The following DAB1 variants were observed in gnomAD, a reference collection of about 807,000 sequenced individuals.
The protein encoded by DAB1 is DAB adaptor protein 1.
DAB1 carries 15 observed loss-of-function variants against 64.6 expected under a neutral mutation model. The ratio of observed to expected loss-of-function variants is 0.23; its 90% CI spans 0.16 to 0.36. The LOEUF (loss-of-function observed/expected upper bound fraction) is 0.36. DAB1 is among the 10% of genes least tolerant of loss of function. The pLI, the probability that DAB1 is intolerant of heterozygous loss-of-function variation, is 1.00. For synonymous variants in DAB1, 235 were observed against 251.9 expected (o/e 0.93, Z 0.64); for missense variants, 596 against 706.7 (o/e 0.84, Z 1.78).
chr1:57,150,584 ACACT>A (rs1659562995), intron 2 of DAB1, among the ~76,000 whole-genome samples: 1 of 152,102 alleles, frequency 6.6e-6, no homozygotes, highest in Admixed American at 6.5e-5. Flanking sequence ...GCACTATATG[ACACT>A]CACAGCTCTG....
intron 6 of DAB1, among the ~76,000 whole-genome samples, chr1:57,792,386 T>G (rs1650643559): frequency 6.6e-6 from 1 of 152,260 alleles, no homozygotes; most frequent in Non-Finnish European, 1.5e-5. Context: ...GCCTCATTTT[T>G]GAGGACCTTC....
At chr1:57,871,900 T>G (rs917519627) in intron 1 of DAB1, among the ~76,000 whole-genome samples, 25 of 152,238 alleles carry the variant, frequency 1.6e-4, no homozygotes, top group African/African-American at 5.8e-4. Context: ...GCTCAAGATG[T>G]AAGTTTATTT....
chr1:57,928,423 G>A (rs1219043609), intron 5 of DAB1, among the ~76,000 whole-genome samples: 1 of 151,944 alleles, frequency 6.6e-6, no homozygotes, highest in Admixed American at 6.6e-5. Flanking sequence ...AAGTACATTT[G>A]TTACAATTCA....
At position 57,064,808 on chromosome 1, in the gene DAB1, G is replaced by T. The variant is rs1220100653; in HGVS notation, c.664-1865C>A. Among the ~76,000 whole-genome samples the T allele has an allele frequency of 3.3e-5, 5 of 152,196 alleles. No homozygotes were observed. In the East Asian group the frequency reaches 9.6e-4, roughly 29 times the overall value. On this transcript the variant is annotated intron_variant, in intron 8 of 14. Transcript: ENST00000371236. ...GTGTCAGTGGTACACTTCCAGAGCT[G>T]ATCTTGCAAGCTTCACTGTGCAAGT...
intron 5 of DAB1, among the ~76,000 whole-genome samples, chr1:58,084,837 A>T (rs939754854): frequency 6.6e-6 from 1 of 151,316 alleles, no homozygotes; most frequent in Non-Finnish European, 1.5e-5. Flanking sequence ...GCACATACAT[A>T]TATACAAATT....
intron 7 of DAB1, among the ~76,000 whole-genome samples, chr1:57,590,008 A>G (rs1645424987): frequency 2.0e-5 from 3 of 152,166 alleles, no homozygotes; most frequent in East Asian, 1.9e-4. Context: ...TAAATTATAT[A>G]CTATTTTAGT....
intron 4 of DAB1, among the ~76,000 whole-genome samples, chr1:58,236,724 C>A (rs1416400995): frequency 2.0e-5 from 3 of 152,212 alleles, no homozygotes; most frequent in South Asian, 2.1e-4. Flanking sequence ...GAGAACGGCC[C>A]TGGGAGGCTG....
chr1:58,036,617 A>G (rs948993676), intron 5 of DAB1, among the ~76,000 whole-genome samples: 5 of 152,208 alleles, frequency 3.3e-5, no homozygotes, highest in African/African-American at 9.6e-5. Flanking sequence ...GCCTTCTACT[A>G]ATTTTTTTTC....
chr1:57,724,991 A>G (rs955667847), intron 6 of DAB1, among the ~76,000 whole-genome samples: 1 of 152,218 alleles, frequency 6.6e-6, no homozygotes, highest in African/African-American at 2.4e-5. Flanking sequence ...TAGCCAAGTA[A>G]CTGATACAAG....
intron 7 of DAB1, among the ~76,000 whole-genome samples, chr1:57,635,445 G>A (rs1570692612): frequency 6.6e-6 from 1 of 152,136 alleles, no homozygotes; most frequent in East Asian, 1.9e-4. Flanking sequence ...ATGGCCTTAG[G>A]TTCTCATGGG....
At chr1:58,247,892 T>C (rs1660625540) in intron 4 of DAB1, among the ~76,000 whole-genome samples, 1 of 151,194 alleles carries the variant, frequency 6.6e-6, no homozygotes, top group Non-Finnish European at 1.5e-5. Flanking sequence ...CTATTTCTCT[T>C]AGCTCTGCCC....
At chr1:57,244,072 T>A (rs1668691073) in intron 2 of DAB1, among the ~76,000 whole-genome samples, 1 of 152,200 alleles carries the variant, frequency 6.6e-6, no homozygotes, top group Non-Finnish European at 1.5e-5. Context: ...AAACTTTTTA[T>A]TTCCCAAAAC....
chr1:57,888,156 G>C (rs1349706173), upstream of DAB1, among the ~76,000 whole-genome samples: 1 of 152,128 alleles, frequency 6.6e-6, no homozygotes, highest in East Asian at 1.9e-4. Flanking sequence ...TTTTCTTTGA[G>C]GGGGGATGGG....
chr1:57,085,906 A>G (rs1462750841), intron 4 of DAB1, among the ~76,000 whole-genome samples: 1 of 152,186 alleles, frequency 6.6e-6, no homozygotes, highest in East Asian at 1.9e-4. Context: ...AATTAGTAGG[A>G]ACTGACTAGA....
intron 5 of DAB1, among the ~76,000 whole-genome samples, chr1:58,091,051 A>G (rs1308012626): frequency 2.6e-5 from 4 of 152,086 alleles, no homozygotes; most frequent in Non-Finnish European, 4.4e-5. Context: ...GGTCCTCAGT[A>G]CTTCCTGTTT....
At chr1:57,008,408 A>G (rs2100270215) in intron 14 of DAB1, among the ~76,000 whole-genome samples, 1 of 152,286 alleles carries the variant, frequency 6.6e-6, no homozygotes, top group Non-Finnish European at 1.5e-5. Flanking sequence ...AATTGGATAT[A>G]TGTGATGATG....
intron 5 of DAB1, among the ~76,000 whole-genome samples, chr1:58,117,220 A>G (rs1169674677): frequency 2.0e-5 from 3 of 152,186 alleles, no homozygotes; most frequent in Non-Finnish European, 4.4e-5. Context: ...CCTGCCTACC[A>G]AAAGAAACGT....
Position 57,274,884 on chromosome 1 carries a change from A to AT in DAB1, c.67+16079dup, listed in dbSNP as rs3042300. On this transcript the variant is annotated intron_variant, in intron 2 of 14. Transcript: ENST00000371236. ...TGTGTGAGCCACCGCGCTCAGCCAA[A>AT]TTTTTTTTTTTTTTTTTAATCTAAG... is the stretch of plus-strand genomic sequence containing the variant. Among the ~76,000 whole-genome samples, 93 of 146,916 alleles carry AT rather than the reference A, an allele frequency of 6.3e-4. 1 individual carries two copies. Among genetic ancestry groups the AT allele is most frequent in the South Asian group, 1.3e-3 (6 of 4,628 alleles).
chr1:57,960,933 T>C (rs1317851829), intron 5 of DAB1, among the ~76,000 whole-genome samples: 2 of 152,326 alleles, frequency 1.3e-5, no homozygotes, highest in East Asian at 3.9e-4. Flanking sequence ...ATCATATGAC[T>C]GTTTATGGAG....
Sources: allele counts gnomAD v4.1 joint callset (sites outside exome capture counted in the v4.1 genomes callset), GRCh38; gene constraint gnomAD v4.1.1; transcripts MANE v1.5; gene names NCBI Gene and HGNC (gene_info 2026-07-23, HGNC 2026-07-21).